EVL: variants seen among roughly 807,000 people sequenced by gnomAD.
EVL encodes ena/VASP-like protein.
EVL carries 21 observed loss-of-function variants against 59.6 expected under a neutral mutation model. The observed-to-expected ratio is 0.35, with a 90% CI of 0.25 to 0.51. The LOEUF (loss-of-function observed/expected upper bound fraction) is 0.51, where lower values mean the gene tolerates loss of function less well. EVL is among the 20% of genes least tolerant of loss of function. EVL has a pLI of 0.97. For synonymous variants in EVL, 198 were observed against 203.5 expected (o/e 0.97, Z 0.23); for missense variants, 462 against 546.6 (o/e 0.85, Z 1.54).
chr14:100,137,633 G>A lies in EVL; in HGVS notation c.1020G>A (p.Ser340=), dbSNP rs754372630. 1.1e-5 allele frequency: 17 copies of A among 1,614,014 alleles called. No homozygotes were observed. Among genetic ancestry groups the A allele is most frequent in the African/African-American group, 5.3e-5 (4 of 74,948 alleles). ...RSNSVEKPVS[S]ILSRTPSVAK... The stretch of plus-strand genomic sequence containing the variant: ...ACTCGGTGGAGAAGCCTGTGTCCTC[G>A]ATTCTGTCCAGGTGAGCTGCCCCAG... The change falls in exon 10 of 14, where the codon TCG becomes TCA. Residue 340 remains serine, a synonymous_variant. Transcript: ENST00000392920.
intron 3 of EVL, among the ~76,000 whole-genome samples, chr14:100,105,168 G>C (rs1886485369): frequency 6.6e-6 from 1 of 152,008 alleles, no homozygotes; most frequent in Non-Finnish European, 1.5e-5. Context: ...ACACCTCTTT[G>C]GTACCAGCAT....
chr14:100,020,446 G>A lies in EVL; in HGVS notation c.5+48389G>A, dbSNP rs537884774. ...TTCTTGTGCATATTTCCACCTCTCTGGAACATATGGAAGAGAGTGTGTGTG... is the reference window on the plus strand; with the variant it reads ...TTCTTGTGCATATTTCCACCTCTCTAGAACATATGGAAGAGAGTGTGTGTG... On this transcript the variant is annotated intron_variant, in intron 1 of 13. Transcript: ENST00000402714. Among the ~76,000 whole-genome samples, 4 of 151,966 alleles carry A rather than the reference G, an allele frequency of 2.6e-5. No individual in the cohort carries two copies. The South Asian group carries it at 8.3e-4, about 32-fold the overall frequency.
chr14:100,043,802 T>TA (rs1282326974), intron 1 of EVL, among the ~76,000 whole-genome samples: 1 of 151,798 alleles, frequency 6.6e-6, no homozygotes, highest in African/African-American at 2.4e-5. Context: ...TTTGTAAAGA[T>TA]AGAGTCTTGC....
intron 3 of EVL, among the ~76,000 whole-genome samples, chr14:100,115,196 C>T (rs184313366): frequency 1.3e-5 from 2 of 152,268 alleles, no homozygotes; most frequent in East Asian, 3.9e-4. Flanking sequence ...GAATATTCTG[C>T]AGGGAAAACA....
intron 1 of EVL, among the ~76,000 whole-genome samples, chr14:100,031,765 G>GC (rs2061318309): frequency 6.6e-6 from 1 of 152,200 alleles, no homozygotes; most frequent in Non-Finnish European, 1.5e-5. Flanking sequence ...TGACTACTCT[G>GC]CCCCCCATCT....
At chr14:99,985,074 G>C (rs1383251990) in intron 1 of EVL, among the ~76,000 whole-genome samples, 1 of 151,824 alleles carries the variant, frequency 6.6e-6, no homozygotes, top group African/African-American at 2.4e-5. Flanking sequence ...TGGTGCTGAT[G>C]GTTTCTCAGA....
At chr14:100,033,744 A>T (rs1045353288) in intron 1 of EVL, among the ~76,000 whole-genome samples, 1 of 152,312 alleles carries the variant, frequency 6.6e-6, no homozygotes, top group East Asian at 1.9e-4. Flanking sequence ...TCTTGTTGTC[A>T]TGTCCATTTT....
At chr14:100,091,704 A>G (rs2062568034) in intron 2 of EVL, among the ~76,000 whole-genome samples, 1 of 152,100 alleles carries the variant, frequency 6.6e-6, no homozygotes, top group African/African-American at 2.4e-5. Context: ...TGAGCATGCT[A>G]GCAAATTCAT....
intron 1 of EVL, among the ~76,000 whole-genome samples, chr14:100,072,095 A>G (rs2140280542): frequency 6.6e-6 from 1 of 152,318 alleles, no homozygotes; most frequent in Middle Eastern, 3.4e-3. Flanking sequence ...ATCTTTATCA[A>G]TGAAAAATTT....
intron 3 of EVL, among the ~76,000 whole-genome samples, chr14:100,110,872 C>A (rs536254834): frequency 6.6e-6 from 1 of 152,196 alleles, no homozygotes; most frequent in Non-Finnish European, 1.5e-5. Context: ...ACAGCCCAGG[C>A]GCCATGTGCC....
intron 3 of EVL, among the ~76,000 whole-genome samples, chr14:100,100,042 A>T (rs1264994602): frequency 1.4e-5 from 2 of 146,916 alleles, no homozygotes; most frequent in African/African-American, 5.0e-5. Context: ...GCAAGTGCTT[A>T]AATTAAATAA....
At chr14:100,082,146 T>G (rs1359544690) in intron 1 of EVL, among the ~76,000 whole-genome samples, 1 of 151,706 alleles carries the variant, frequency 6.6e-6, no homozygotes, top group Non-Finnish European at 1.5e-5. Context: ...AAATAAAAAT[T>G]TAAAAGAAGA....
chr14:100,107,498 T>C, intron 3 of EVL: 1 of 393,488 alleles, frequency 2.5e-6, no homozygotes, highest in Non-Finnish European at 4.5e-6. Flanking sequence ...AGGACAAGTC[T>C]GAGCAGAACC....
chr14:100,100,072 T>G (rs2140324708), intron 3 of EVL, among the ~76,000 whole-genome samples: 1 of 152,024 alleles, frequency 6.6e-6, no homozygotes, highest in South Asian at 2.1e-4. Flanking sequence ...GTTATTTTAT[T>G]AAATTCACCA....
At chr14:100,009,232 T>C (rs1231447520) in intron 1 of EVL, among the ~76,000 whole-genome samples, 1 of 152,208 alleles carries the variant, frequency 6.6e-6, no homozygotes, top group South Asian at 2.1e-4. Flanking sequence ...TACCTTAGGC[T>C]CTGAAAACAT....
chr14:100,057,785 C>G (rs1471884539), intron 1 of EVL, among the ~76,000 whole-genome samples: 1 of 152,118 alleles, frequency 6.6e-6, no homozygotes, highest in Non-Finnish European at 1.5e-5. Context: ...AGTTGAGGTT[C>G]TAGGAGTCAA....
intron 6 of EVL, 63 bp downstream of exon 6, chr14:100,128,811 C>T (rs909855551): frequency 1.1e-5 from 15 of 1,420,392 alleles, no homozygotes; most frequent in African/African-American, 5.6e-5. Flanking sequence ...ATCTGCAGAG[C>T]GCTTGTGTTC....
At chr14:100,054,148 A>G (rs1452219711) in intron 1 of EVL, among the ~76,000 whole-genome samples, 3 of 139,390 alleles carry the variant, frequency 2.2e-5, no homozygotes, top group Non-Finnish European at 4.5e-5. Context: ...TCTGCCTCCC[A>G]GGTTCAAGCG....
intron 1 of EVL, among the ~76,000 whole-genome samples, chr14:100,017,123 C>G (rs1181117029): frequency 6.6e-6 from 1 of 152,214 alleles, no homozygotes; most frequent in Non-Finnish European, 1.5e-5. Context: ...GTTACTTAAC[C>G]ACTTTGGCCT....
Sources: gnomAD v4.1 joint callset for allele counts (sites outside exome capture counted in the v4.1 genomes callset) on GRCh38, gnomAD v4.1.1 for gene constraint, MANE v1.5 for transcripts, NCBI Gene and HGNC (gene_info 2026-07-23, HGNC 2026-07-21) for gene names.